The following FNIP2 variants were observed in gnomAD, a reference collection of about 807,000 sequenced individuals.
FNIP2 encodes the protein folliculin interacting protein 2.
In FNIP2, 32 loss-of-function variants were observed where a neutral mutation model predicts 108.7. The ratio of observed to expected loss-of-function variants is 0.29; its 90% confidence interval spans 0.22 to 0.40. The LOEUF is 0.40. Among genes scored for constraint, FNIP2 ranks in the 10% least tolerant of loss-of-function variants. The probability of loss-of-function intolerance (pLI) is 1.00; values close to 1 mark genes in which losing one functional copy is unlikely to be tolerated. For synonymous variants in FNIP2, 480 were observed against 496.7 expected (o/e 0.97, Z 0.45); for missense variants, 1,202 against 1,381.6 (o/e 0.87, Z 2.06).
intron 1 of FNIP2, among the ~76,000 whole-genome samples, chr4:158,770,342 A>G (rs945132544): frequency 3.3e-5 from 5 of 152,344 alleles, no homozygotes; most frequent in Non-Finnish European, 7.3e-5. Context: ...CCAACTCCCA[A>G]TTCTGACACT....
chr4:158,777,789 T>A (rs1199607197), intron 1 of FNIP2, among the ~76,000 whole-genome samples: 1 of 152,222 alleles, frequency 6.6e-6, no homozygotes, highest in African/African-American at 2.4e-5. Context: ...CATGTGTACC[T>A]GAGAAATTGC....
At chr4:158,881,075 C>T (rs1781563026) in intron 14 of FNIP2, among the ~76,000 whole-genome samples, 1 of 152,166 alleles carries the variant, frequency 6.6e-6, no homozygotes, top group African/African-American at 2.4e-5. Context: ...CATGTAGCAT[C>T]CTCTTATTAA....
intron 7 of FNIP2, among the ~76,000 whole-genome samples, chr4:158,839,170 C>A (rs1032508390): frequency 6.6e-6 from 1 of 152,162 alleles, no homozygotes; most frequent in African/African-American, 2.4e-5. Context: ...GATGCTTACC[C>A]CATACCTAAG....
At chr4:158,836,884 CAT>C (rs1343680254) in intron 7 of FNIP2, among the ~76,000 whole-genome samples, 2 of 139,618 alleles carry the variant, frequency 1.4e-5, no homozygotes, top group South Asian at 2.4e-4. Context: ...ACAGCCATAA[CAT>C]AAAGTCTGAG....
chr4:158,884,120 G>C (rs1781883532), intron 14 of FNIP2, among the ~76,000 whole-genome samples: 1 of 152,010 alleles, frequency 6.6e-6, no homozygotes, highest in Non-Finnish European at 1.5e-5. Flanking sequence ...ATAATCACGT[G>C]AAATACTAGT....
chr4:158,861,628 T>C lies in FNIP2; in HGVS notation c.1317T>C (p.Thr439=). 2.5e-6 allele frequency: 4 copies of C among 1,614,042 alleles called. No individual in the cohort carries two copies. Among genetic ancestry groups the C allele is most frequent in the Non-Finnish European group, 3.4e-6 (4 of 1,179,898 alleles). The change falls in exon 12 of 17, where the codon ACT becomes ACC. Residue 439 remains threonine (T), a synonymous_variant. Transcript: ENST00000264433. ...CAAGGTTTTTTGCTGCCTTACTGAC[T>C]GCGGTGTTAACCTACCACCTGGCCT... is the stretch of plus-strand genomic sequence containing the variant. ...NKNQFFAALL[T]AVLTYHLAWV...
rs770864508 is a variant in FNIP2, at chr4:158,869,357, A to G, written c.2721A>G (p.Ser907=). Residue 907 remains serine (S), a synonymous_variant, in exon 13 of 17, where the codon TCA becomes TCG. Coordinates refer to ENST00000264433, the MANE Select transcript of FNIP2 (RefSeq NM_020840.3). ...LGDSDDEACA[S]AMLDLGHGGD... ...ACAGTGACGACGAAGCCTGCGCTTC[A>G]GCCATGCTAGATCTGGGTCACGGTG... The G allele has an allele frequency of 1.2e-6, 2 of 1,612,736 alleles. No individual in the cohort carries two copies. The highest frequency in any genetic ancestry group is 3.3e-5 in the Admixed American group (2 of 59,848).
At chr4:158,843,846 A>G (rs1387631464) in intron 7 of FNIP2, among the ~76,000 whole-genome samples, 1 of 152,170 alleles carries the variant, frequency 6.6e-6, no homozygotes, top group African/African-American at 2.4e-5. Context: ...AAGAGTTAGG[A>G]GTTCTCTGCA....
chr4:158,891,192 C>T (rs114514339), intron 14 of FNIP2, among the ~76,000 whole-genome samples: 1 of 140,600 alleles, frequency 7.1e-6, no homozygotes, highest in Non-Finnish European at 1.6e-5. Flanking sequence ...TCCTCCCCCT[C>T]CCCCACCCAT....
At chr4:158,843,926 T>C (rs1008125988) in intron 7 of FNIP2, among the ~76,000 whole-genome samples, 1 of 152,258 alleles carries the variant, frequency 6.6e-6, no homozygotes, top group Non-Finnish European at 1.5e-5. Context: ...TCTAGGGTCC[T>C]GCCCTGATCA....
At chr4:158,793,681 TA>T (rs1241083178) in intron 1 of FNIP2, among the ~76,000 whole-genome samples, 6 of 152,166 alleles carry the variant, frequency 3.9e-5, no homozygotes, top group African/African-American at 7.2e-5. Flanking sequence ...TAAATAGAGG[TA>T]ATGATTCCTC....
rs772235213 is a variant in FNIP2 at position 158,904,509 on chromosome 4, A to G, written c.3310A>G (p.Thr1104Ala). 4 of 1,613,258 alleles carry G rather than the reference A, an allele frequency of 2.5e-6. No homozygotes were observed. In the South Asian group the frequency reaches 4.4e-5, roughly 18 times the overall value. ...DLPLLTAIAS[T>A]HSPYVAQILL ...GCCTCTGTTGACTGCTATTGCCAGT[A>G]CTCATTCTCCTTATGTGGCTCAAAT... Residue 1104 changes from threonine (T) to alanine (A), a missense_variant, in exon 17 of 17, where the codon ACT (threonine) becomes GCT (alanine). Physicochemically the swap from Thr to Ala is moderately conservative, Grantham distance 58. Coordinates refer to ENST00000264433, the MANE Select transcript of FNIP2 (RefSeq NM_020840.3).
intron 7 of FNIP2, among the ~76,000 whole-genome samples, chr4:158,844,896 T>C (rs75357830): frequency 1.5e-4 from 23 of 152,382 alleles, no homozygotes; most frequent in African/African-American, 5.5e-4. Flanking sequence ...TTAAAATCTT[T>C]AGATTGATTC....
At chr4:158,815,490 C>G (rs1333211762) in intron 1 of FNIP2, among the ~76,000 whole-genome samples, 1 of 150,992 alleles carries the variant, frequency 6.6e-6, no homozygotes, top group East Asian at 1.9e-4. Context: ...TCACGCCGTT[C>G]TCCTGTCTCA....
At chr4:158,874,878 C>T (rs1781169828) in intron 14 of FNIP2, among the ~76,000 whole-genome samples, 3 of 150,418 alleles carry the variant, frequency 2.0e-5, no homozygotes, top group African/African-American at 7.3e-5. Context: ...CAGGAGTTTG[C>T]GACCAGCCTG....
intron 1 of FNIP2, among the ~76,000 whole-genome samples, chr4:158,812,897 C>T (rs1326536397): frequency 6.6e-6 from 1 of 150,868 alleles, no homozygotes; most frequent in African/African-American, 2.4e-5. Context: ...TTCATCCTTC[C>T]CTCCCTCTCT....
At chr4:158,773,705 T>C (rs772993149) in intron 1 of FNIP2, among the ~76,000 whole-genome samples, 6 of 152,210 alleles carry the variant, frequency 3.9e-5, no homozygotes, top group Non-Finnish European at 8.8e-5. Context: ...CAGTGCTGAA[T>C]TGAACTGTTT....
At chr4:158,782,874 G>C (rs1245759703) in intron 1 of FNIP2, among the ~76,000 whole-genome samples, 2 of 152,202 alleles carry the variant, frequency 1.3e-5, no homozygotes, top group African/African-American at 4.8e-5. Flanking sequence ...AATGTGCCAA[G>C]GGAAGCGCAC....
intron 6 of FNIP2, chr4:158,834,841 T>C (rs150267404): frequency 6.5e-6 from 1 of 153,916 alleles, no homozygotes; most frequent in East Asian, 1.9e-4. Flanking sequence ...TAATACTGTG[T>C]ATGGGTGTAT....
Sources: gnomAD v4.1 joint callset for allele counts (sites outside exome capture counted in the v4.1 genomes callset) on GRCh38, gnomAD v4.1.1 for gene constraint, MANE v1.5 for transcripts, NCBI Gene and HGNC (gene_info 2026-07-23, HGNC 2026-07-21) for gene names.